The following STAU2 variants were observed in gnomAD, a reference collection of about 807,000 sequenced individuals.
STAU2 encodes the protein staufen double-stranded RNA binding protein 2, also known as double-stranded RNA-binding protein Staufen homolog 2.
STAU2 carries 20 observed loss-of-function variants against 65.9 expected under a neutral mutation model. The ratio of observed to expected loss-of-function variants is 0.30; its 90% CI spans 0.21 to 0.44. The LOEUF is 0.44. STAU2 is among the 20% of genes least tolerant of loss of function. The probability of loss-of-function intolerance (pLI) is 1.00; values close to 1 mark genes in which losing one functional copy is unlikely to be tolerated. For synonymous variants in STAU2, 232 were observed against 233.9 expected (o/e 0.99, Z 0.07); for missense variants, 558 against 683.9 (o/e 0.82, Z 2.05).
intron 3 of STAU2, among the ~76,000 whole-genome samples, chr8:73,719,274 G>A (rs912301384): frequency 6.6e-5 from 10 of 152,014 alleles, no homozygotes; most frequent in African/African-American, 1.9e-4. Context: ...ACATAGTGGC[G>A]GGTGTCTGTA....
chr8:73,658,943 C>CAAA (rs71269931), intron 6 of STAU2, among the ~76,000 whole-genome samples: 1 of 141,888 alleles, frequency 7.0e-6, no homozygotes, highest in Non-Finnish European at 1.6e-5. Flanking sequence ...ACAAAAACAA[C>CAAA]AAAAAAAAAA....
chr8:73,735,106 T>A (rs1806341370), intron 3 of STAU2, among the ~76,000 whole-genome samples: 1 of 152,128 alleles, frequency 6.6e-6, no homozygotes, highest in Non-Finnish European at 1.5e-5. Context: ...ACTTTTTTTA[T>A]TTTTTGTAGA....
At chr8:73,634,199 C>G (rs555980221) in intron 6 of STAU2, among the ~76,000 whole-genome samples, 1 of 152,150 alleles carries the variant, frequency 6.6e-6, no homozygotes, top group Non-Finnish European at 1.5e-5. Flanking sequence ...CGTCTCTAGT[C>G]TAGATTATTG....
intron 4 of STAU2, among the ~76,000 whole-genome samples, chr8:73,705,807 C>T (rs940279344): frequency 2.0e-5 from 3 of 152,208 alleles, no homozygotes; most frequent in East Asian, 3.9e-4. Flanking sequence ...ATCATGTAAA[C>T]GTAAGATAGG....
chr8:73,617,055 AT>A (rs1412182846), intron 7 of STAU2, among the ~76,000 whole-genome samples: 1 of 152,142 alleles, frequency 6.6e-6, no homozygotes, highest in Non-Finnish European at 1.5e-5. Context: ...AATCAATGTT[AT>A]TTCTCATCCT....
intron 13 of STAU2, among the ~76,000 whole-genome samples, chr8:73,461,949 T>G (rs1819374696): frequency 6.6e-6 from 1 of 152,218 alleles, no homozygotes. Context: ...CTTTGTCTGC[T>G]TTGATTACCT....
intron 12 of STAU2, among the ~76,000 whole-genome samples, chr8:73,571,099 G>A (rs1191434777): frequency 1.3e-5 from 2 of 152,148 alleles, no homozygotes; most frequent in Non-Finnish European, 2.9e-5. Flanking sequence ...TGCAATCCTA[G>A]TCTCTGACAA....
chr8:73,649,641 C>T (rs1435883173), intron 6 of STAU2, among the ~76,000 whole-genome samples: 1 of 151,868 alleles, frequency 6.6e-6, no homozygotes, highest in Admixed American at 6.6e-5. Context: ...AACTTTAATA[C>T]TGCTCACTAA....
intron 13 of STAU2, among the ~76,000 whole-genome samples, chr8:73,545,377 C>T (rs1369215977): frequency 1.3e-5 from 2 of 151,864 alleles, no homozygotes; most frequent in Non-Finnish European, 1.5e-5. Context: ...ATAGATAATA[C>T]TACAGATAAA....
intron 13 of STAU2, among the ~76,000 whole-genome samples, chr8:73,427,552 A>G (rs184885817): frequency 6.6e-6 from 1 of 152,350 alleles, no homozygotes; most frequent in East Asian, 1.9e-4. Flanking sequence ...TTTGACTCTC[A>G]GGGAGCTTTG....
At chr8:73,436,266 G>A (rs1031620065) in intron 13 of STAU2, among the ~76,000 whole-genome samples, 2 of 151,594 alleles carry the variant, frequency 1.3e-5, no homozygotes, top group South Asian at 4.2e-4. Context: ...CATAAAAGAT[G>A]GTAAAGGCAG....
intron 13 of STAU2, among the ~76,000 whole-genome samples, chr8:73,482,464 C>T (rs936625861): frequency 1.3e-5 from 2 of 152,012 alleles, no homozygotes; most frequent in Non-Finnish European, 2.9e-5. Context: ...AGAAGAAATC[C>T]TTCGCCTTGG....
intron 13 of STAU2, among the ~76,000 whole-genome samples, chr8:73,427,226 C>T (rs999934693): frequency 6.6e-6 from 1 of 152,116 alleles, no homozygotes; most frequent in African/African-American, 2.4e-5. Flanking sequence ...CTGTGCCCAG[C>T]CTTAAAGATG....
intron 13 of STAU2, among the ~76,000 whole-genome samples, chr8:73,448,274 C>T (rs1311679236): frequency 2.0e-5 from 3 of 151,764 alleles, no homozygotes; most frequent in African/African-American, 7.3e-5. Context: ...AAGATTTTAA[C>T]GTTTGCTAAA....
At chr8:73,578,810 T>C (rs910083231) in intron 12 of STAU2, among the ~76,000 whole-genome samples, 15 of 152,212 alleles carry the variant, frequency 9.9e-5, no homozygotes, top group Non-Finnish European at 7.3e-5. Flanking sequence ...TATATTTACA[T>C]CCAATTGGCT....
intron 6 of STAU2, among the ~76,000 whole-genome samples, chr8:73,644,654 A>C (rs186196743): frequency 6.6e-6 from 1 of 152,296 alleles, no homozygotes; most frequent in Admixed American, 6.5e-5. Flanking sequence ...GCAATTAAAC[A>C]AAATCTTGGT....
upstream of STAU2, chr8:73,747,410 C>T: frequency 2.6e-6 from 4 of 1,535,442 alleles, no homozygotes; most frequent in Non-Finnish European, 3.5e-6. Context: ...TCCGGCTGCC[C>T]CTCTGTGCTG....
intron 3 of STAU2, among the ~76,000 whole-genome samples, chr8:73,731,422 G>C (rs937156914): frequency 2.6e-5 from 4 of 152,126 alleles, no homozygotes; most frequent in Non-Finnish European, 4.4e-5. Flanking sequence ...TCCACACCTT[G>C]CACTGCAGCC....
intron 12 of STAU2, among the ~76,000 whole-genome samples, chr8:73,561,691 T>C (rs1300720563): frequency 2.6e-5 from 4 of 152,168 alleles, no homozygotes; most frequent in East Asian, 1.9e-4. Flanking sequence ...AGGATTCCTA[T>C]TGCTTCCTAG....
Sources: allele counts gnomAD v4.1 joint callset (sites outside exome capture counted in the v4.1 genomes callset), GRCh38; gene constraint gnomAD v4.1.1; transcripts MANE v1.5; gene names NCBI Gene and HGNC (gene_info 2026-07-23, HGNC 2026-07-21).